SENP6: variants seen among roughly 807,000 people sequenced by gnomAD.
SENP6 encodes the protein SUMO specific peptidase 6.
Under a neutral mutation model 134.5 loss-of-function variants are expected in SENP6, and 41 were observed. That is an observed-to-expected ratio of 0.30 (90% CI 0.24 to 0.40). The LOEUF (loss-of-function observed/expected upper bound fraction) is 0.40, where lower values mean the gene tolerates loss of function less well. Among genes scored for constraint, SENP6 ranks in the 10% least tolerant of loss-of-function variants. The probability of loss-of-function intolerance (pLI) is 1.00; values close to 1 mark genes in which losing one functional copy is unlikely to be tolerated. For synonymous variants in SENP6, 395 were observed against 429.8 expected (o/e 0.92, Z 1.00); for missense variants, 1,248 against 1,312.5 (o/e 0.95, Z 0.76).
chr6:75,624,511 G>T (rs538652151), intron 3 of SENP6, among the ~76,000 whole-genome samples: 1 of 151,552 alleles, frequency 6.6e-6, no homozygotes, highest in Non-Finnish European at 1.5e-5. Flanking sequence ...TTGTTCCATC[G>T]ATATCTGAAC....
At chr6:75,690,034 CCTAAGTAGCTGGGA>C (rs1323065961) in intron 16 of SENP6, among the ~76,000 whole-genome samples, 11 of 152,190 alleles carry the variant, frequency 7.2e-5, no homozygotes, top group Admixed American at 2.6e-4. Flanking sequence ...GCCTCAGCTT[CCTAAGTAGCTGGGA>C]CTACAGGTGC....
chr6:75,662,331 C>T (rs952935806), intron 8 of SENP6, among the ~76,000 whole-genome samples: 3 of 151,652 alleles, frequency 2.0e-5, no homozygotes, highest in East Asian at 1.9e-4. Context: ...GATTGGATGT[C>T]GCTATGTTGC....
intron 19 of SENP6, among the ~76,000 whole-genome samples, chr6:75,706,678 T>TAA (rs141430840): frequency 0.068 from 10,333 of 152,296 alleles, 461 homozygotes; most frequent in Non-Finnish European, 0.094. Flanking sequence ...TTGTTTTGTT[T>TAA]TTAGTATGTG....
intron 11 of SENP6, among the ~76,000 whole-genome samples, chr6:75,671,209 T>A (rs565198693): frequency 3.6e-4 from 55 of 152,212 alleles, no homozygotes; most frequent in Non-Finnish European, 5.4e-4. Context: ...AATCCAAGTT[T>A]TTATTTTCTA....
chr6:75,705,822 G>C (rs1775354718), intron 19 of SENP6, among the ~76,000 whole-genome samples: 1 of 147,700 alleles, frequency 6.8e-6, no homozygotes, highest in Non-Finnish European at 1.5e-5. Flanking sequence ...AATAAATTAT[G>C]TGAATTCAGA....
chr6:75,663,494 A>G lies in SENP6; in HGVS notation c.970A>G (p.Ser324Gly). 6.2e-7 allele frequency: 1 copy of G among 1,611,154 alleles called. No individual in the cohort carries two copies. The highest frequency in any genetic ancestry group is 8.5e-7 in the Non-Finnish European group (1 of 1,179,600). ...CACAAACTTGAAAGAAAGGAAAACA[A>G]GTTTGTCAGACCTAAATGATCCAAG... ...KITNLKERKT[S>G]LSDLNDPIIL... is the part of the protein sequence containing the mutation. Residue 324 changes from serine (S) to glycine (G), a missense_variant, in exon 9 of 24, where the codon AGT (serine) becomes GGT (glycine). Ser to Gly is a moderately conservative substitution (Grantham distance 56). Around this residue, in one of 3 missense-constraint regions of SENP6, gnomAD observed 733 missense variants for 725.4 expected, o/e 1.01. Transcript: ENST00000447266.
intron 16 of SENP6, among the ~76,000 whole-genome samples, chr6:75,681,771 G>A (rs1268642513): frequency 1.3e-5 from 2 of 152,156 alleles, no homozygotes; most frequent in African/African-American, 4.8e-5. Flanking sequence ...GGTCATGCCT[G>A]TAATCCTAGC....
chr6:75,643,356 C>T (rs988643328), intron 6 of SENP6, among the ~76,000 whole-genome samples: 1 of 151,952 alleles, frequency 6.6e-6, no homozygotes, highest in African/African-American at 2.4e-5. Flanking sequence ...AAGTTTAAAG[C>T]CACAAGAGAT....
At chr6:75,665,588 T>C (rs1438807899) in intron 9 of SENP6, among the ~76,000 whole-genome samples, 1 of 152,152 alleles carries the variant, frequency 6.6e-6, no homozygotes, top group Non-Finnish European at 1.5e-5. Flanking sequence ...CAGTAATGAG[T>C]ACAAGGTATA....
chr6:75,708,127 T>C (rs910582512), intron 19 of SENP6, among the ~76,000 whole-genome samples: 1 of 152,194 alleles, frequency 6.6e-6, no homozygotes, highest in Non-Finnish European at 1.5e-5. Context: ...TGGCGCAGTC[T>C]TGGCTTACTG....
chr6:75,630,848 T>TAA (rs34235206), intron 3 of SENP6, among the ~76,000 whole-genome samples: 3 of 149,232 alleles, frequency 2.0e-5, no homozygotes, highest in Admixed American at 6.7e-5. Context: ...AACCATCATT[T>TAA]AAAAAAAAAA....
rs775394355 is a variant in SENP6 at position 75,677,093 on chromosome 6, T to C, written c.1685T>C (p.Val562Ala). 5 of 1,606,762 alleles carry C rather than the reference T, an allele frequency of 3.1e-6. No homozygotes were observed. Among genetic ancestry groups the C allele is most frequent in the Non-Finnish European group, 4.3e-6 (5 of 1,174,184 alleles). Residue 562 changes from valine to alanine, a missense_variant, in exon 14 of 24, where the codon GTA becomes GCA. Val to Ala is a moderately conservative substitution (Grantham distance 64, BLOSUM62 0). Coordinates refer to ENST00000447266, the MANE Select transcript of SENP6 (RefSeq NM_015571.4). ...QNGLDPPANMVFESIINEIGI... is the reference protein window; with the variant it reads ...QNGLDPPANMAFESIINEIGI... ...GGCCTTGATCCTCCGGCAAATATGG[T>C]ATTTGAAAGTATCATTAATGAAATT... is the stretch of plus-strand genomic sequence containing the variant.
At chr6:75,642,977 TAAA>T (rs1770145147) in intron 6 of SENP6, among the ~76,000 whole-genome samples, 1 of 152,164 alleles carries the variant, frequency 6.6e-6, no homozygotes, top group East Asian at 1.9e-4. Flanking sequence ...GGTGGAAAAA[TAAA>T]AAGATTTTGA....
intron 19 of SENP6, among the ~76,000 whole-genome samples, chr6:75,703,783 T>C (rs1426142241): frequency 6.6e-6 from 1 of 151,952 alleles, no homozygotes; most frequent in African/African-American, 2.4e-5. Context: ...ACAAAAAAAT[T>C]GAGAACTTTC....
In SENP6 at chr6:75,690,845, A is replaced by G. The variant is rs567087151; in HGVS notation, c.2076-4959A>G. Among the ~76,000 whole-genome samples, 187 of 150,974 alleles carry G rather than the reference A, an allele frequency of 1.2e-3. 1 individual carries two copies. Among genetic ancestry groups the G allele is most frequent in the African/African-American group, 2.3e-3 (93 of 41,090 alleles). On this transcript the variant is annotated intron_variant, in intron 16 of 23. Coordinates refer to ENST00000447266, the MANE Select transcript of SENP6 (RefSeq NM_015571.4). ...TGAGTAGCTGGGACTACAGGCGCTCACCACCACACCTGGCTAATTGTTTTG... is the reference window on the plus strand; with the variant it reads ...TGAGTAGCTGGGACTACAGGCGCTCGCCACCACACCTGGCTAATTGTTTTG...
chr6:75,693,137 C>T (rs1227273923), intron 16 of SENP6, among the ~76,000 whole-genome samples: 2 of 152,114 alleles, frequency 1.3e-5, no homozygotes, highest in East Asian at 1.9e-4. Context: ...CAGTGGCTCA[C>T]GCCTATAATC....
rs937719823 is a variant in SENP6, at chr6:75,694,047, G to C, written c.2076-1757G>C. Among the ~76,000 whole-genome samples the C allele has an allele frequency of 1.5e-4, 23 of 152,092 alleles. 1 individual carries two copies. Among genetic ancestry groups the C allele is most frequent in the African/African-American group, 4.1e-4 (17 of 41,420 alleles). ...CGAGGCAGGTGGATCACCTGAGATC[G>C]AGAGTTCAAGACCAGCCTGAGCAAC... On this transcript the variant is annotated intron_variant, in intron 16 of 23. Coordinates refer to ENST00000447266, the MANE Select transcript of SENP6 (RefSeq NM_015571.4).
chr6:75,678,456 A>T, intron 14 of SENP6, 127 bp from the exon 15 acceptor site: 1 of 607,508 alleles, frequency 1.6e-6, no homozygotes, highest in Non-Finnish European at 2.9e-6. Context: ...GTTAAGTATC[A>T]TGCATACTTT....
At chr6:75,663,819 T>TGGGGGGGGGGGGGG (rs1199601110) in intron 9 of SENP6, among the ~76,000 whole-genome samples, 1 of 90,772 alleles carries the variant, frequency 1.1e-5, no homozygotes, top group Non-Finnish European at 2.1e-5. Flanking sequence ...TTTTTTTTTT[T>TGGGGGGGGGGGGGG]GTGGGGGGGG....
Sources: allele counts gnomAD v4.1 joint callset (sites outside exome capture counted in the v4.1 genomes callset), GRCh38; gene constraint gnomAD v4.1.1; regional missense constraint gnomAD v4.1.1; transcripts MANE v1.5; gene names NCBI Gene and HGNC (gene_info 2026-07-23, HGNC 2026-07-21).